SPAST: variants seen among roughly 807,000 people sequenced by gnomAD.
The protein encoded by SPAST is spastic paraplegia 4 (autosomal dominant; spastin).
SPAST carries 30 observed loss-of-function variants against 76.6 expected under a neutral mutation model. The ratio of observed to expected loss-of-function variants is 0.39; its 90% CI spans 0.29 to 0.53. SPAST has a LOEUF of 0.53. SPAST is among the 20% of genes least tolerant of loss of function. SPAST has a pLI of 0.68. For missense variants in SPAST, 717 were observed against 770.5 expected, an observed-to-expected ratio of 0.93 and a Z score of 0.82; for synonymous variants, 305 against 281.0, an observed-to-expected ratio of 1.09 and a Z score of -0.86.
chr2:32,102,758 A>G (rs1428276375), intron 4 of SPAST, among the ~76,000 whole-genome samples: 4 of 152,040 alleles, frequency 2.6e-5, no homozygotes, highest in African/African-American at 9.6e-5. Context: ...TTCTGTTTAT[A>G]TGATGGATTA....
At chr2:32,090,455 A>G (rs1406716025) in intron 3 of SPAST, among the ~76,000 whole-genome samples, 2 of 152,224 alleles carry the variant, frequency 1.3e-5, no homozygotes, top group Non-Finnish European at 1.5e-5. Flanking sequence ...CCTCTAAAAG[A>G]TAAGGATGTC....
chr2:32,085,804 G>A (rs960076406), intron 1 of SPAST, among the ~76,000 whole-genome samples: 1 of 151,558 alleles, frequency 6.6e-6, no homozygotes, highest in African/African-American at 2.4e-5. Flanking sequence ...ACTTTGGGAG[G>A]CCGAGGTGGG....
chr2:32,077,098 A>G (rs1234967985), intron 1 of SPAST, among the ~76,000 whole-genome samples: 5 of 151,312 alleles, frequency 3.3e-5, no homozygotes, highest in Admixed American at 3.3e-4. Context: ...CTGATCTCGA[A>G]CTCTTGACCT....
At chr2:32,080,415 T>C (rs1677171250) in intron 1 of SPAST, among the ~76,000 whole-genome samples, 1 of 152,268 alleles carries the variant, frequency 6.6e-6, no homozygotes, top group African/African-American at 2.4e-5. Context: ...CATAGTTTGC[T>C]AAGGCATGCA....
At chr2:32,152,134 C>G (rs975257458) in intron 16 of SPAST, among the ~76,000 whole-genome samples, 2 of 152,106 alleles carry the variant, frequency 1.3e-5, no homozygotes, top group East Asian at 1.9e-4. Context: ...ACTTATTTCC[C>G]CCCTTAACTG....
chr2:32,133,702 G>GT (rs1436921376), intron 9 of SPAST, among the ~76,000 whole-genome samples: 6 of 150,176 alleles, frequency 4.0e-5, no homozygotes, highest in Non-Finnish European at 7.4e-5. Flanking sequence ...AGTTTACAGT[G>GT]TTTTTTCCAC....
At chr2:32,139,329 C>T (rs1172482572) in intron 12 of SPAST, among the ~76,000 whole-genome samples, 1 of 152,140 alleles carries the variant, frequency 6.6e-6, no homozygotes, top group African/African-American at 2.4e-5. Context: ...TCATCATACT[C>T]TCACTCTTCA....
At chr2:32,103,332 T>C (rs2148721238) in intron 4 of SPAST, among the ~76,000 whole-genome samples, 1 of 152,338 alleles carries the variant, frequency 6.6e-6, no homozygotes, top group African/African-American at 2.4e-5. Context: ...TCATTTCTTA[T>C]TGCATCTATT....
At chr2:32,066,689 T>C (rs1476983444) in intron 1 of SPAST, among the ~76,000 whole-genome samples, 1 of 151,802 alleles carries the variant, frequency 6.6e-6, no homozygotes, top group Non-Finnish European at 1.5e-5. Flanking sequence ...GTAGGTCATT[T>C]TTGGCTGGGC....
At chr2:32,138,374 A>G (rs895544419) in intron 12 of SPAST, among the ~76,000 whole-genome samples, 3 of 152,066 alleles carry the variant, frequency 2.0e-5, no homozygotes, top group African/African-American at 4.8e-5. Flanking sequence ...TTTTATTAAT[A>G]GCCATTCTGA....
chr2:32,144,487 C>A (rs1367037897), intron 14 of SPAST, among the ~76,000 whole-genome samples: 1 of 152,216 alleles, frequency 6.6e-6, no homozygotes. Flanking sequence ...ATGGGCCTTT[C>A]TATTCCCTTA....
intron 16 of SPAST, among the ~76,000 whole-genome samples, chr2:32,149,202 GCCTCA>G (rs1679994171): frequency 6.6e-6 from 1 of 150,864 alleles, no homozygotes; most frequent in Non-Finnish European, 1.5e-5. Flanking sequence ...CGATTCTCCT[GCCTCA>G]GCCTCCTGCG....
At chr2:32,123,109 A>G (rs950136896) in intron 7 of SPAST, among the ~76,000 whole-genome samples, 2 of 152,058 alleles carry the variant, frequency 1.3e-5, no homozygotes, top group African/African-American at 2.4e-5. Flanking sequence ...TAAAAATACA[A>G]AAATTAGCTG....
At chr2:32,082,372 T>C (rs1361252473) in intron 1 of SPAST, among the ~76,000 whole-genome samples, 3 of 152,126 alleles carry the variant, frequency 2.0e-5, no homozygotes, top group Non-Finnish European at 4.4e-5. Flanking sequence ...GATATTCTTA[T>C]ACATTAAATG....
chr2:32,153,812 C>G (rs989630216), intron 16 of SPAST, among the ~76,000 whole-genome samples: 3 of 152,024 alleles, frequency 2.0e-5, no homozygotes, highest in African/African-American at 4.8e-5. Context: ...CAAAGTGGCT[C>G]ACGTCTGTAA....
chr2:32,087,697 T>TC (rs1553399585), intron 2 of SPAST, 119 bp downstream of exon 2: 10 of 276,062 alleles, frequency 3.6e-5, no homozygotes, highest in African/African-American at 1.7e-4. Context: ...TTCTTTTCTT[T>TC]TTTTTTTTTT....
intron 1 of SPAST, among the ~76,000 whole-genome samples, chr2:32,070,732 C>G (rs1160071570): frequency 1.3e-5 from 2 of 152,076 alleles, no homozygotes; most frequent in African/African-American, 2.4e-5. Flanking sequence ...CAGGCTCAAT[C>G]GATCCACCCA....
At chr2:32,151,473 T>G (rs1024072969) in intron 16 of SPAST, among the ~76,000 whole-genome samples, 1 of 152,242 alleles carries the variant, frequency 6.6e-6, no homozygotes, top group African/African-American at 2.4e-5. Context: ...TTCTCTCATT[T>G]CCATTTATGG....
chr2:32,113,819 G>GA (rs1369146541), intron 4 of SPAST, among the ~76,000 whole-genome samples: 2 of 151,768 alleles, frequency 1.3e-5, no homozygotes, highest in South Asian at 2.1e-4. Context: ...CGTCCACCTC[G>GA]ATCTCCCAAA....
Sources: allele counts gnomAD v4.1 joint callset (sites outside exome capture counted in the v4.1 genomes callset), GRCh38; gene constraint gnomAD v4.1.1; transcripts MANE v1.5; gene names NCBI Gene and HGNC (gene_info 2026-07-23, HGNC 2026-07-21).